The following ABCB8 variants were observed in gnomAD, a reference collection of about 807,000 sequenced individuals.
ABCB8 encodes mitochondrial potassium channel ATP-binding subunit.
ABCB8 carries 52 observed loss-of-function variants against 73.0 expected under a neutral mutation model. The observed-to-expected ratio is 0.71, with a 90% CI of 0.57 to 0.90. The LOEUF (loss-of-function observed/expected upper bound fraction) is 0.90, where lower values mean the gene tolerates loss of function less well. Among genes scored for constraint, ABCB8 ranks in the 40% least tolerant of loss-of-function variants. The probability of loss-of-function intolerance (pLI) is 0.00; values close to 1 mark genes in which losing one functional copy is unlikely to be tolerated. For missense variants in ABCB8, 909 were observed against 974.6 expected (o/e 0.93, Z 0.90); for synonymous variants, 428 against 423.5 (o/e 1.01, Z -0.13).
intron 1 of ABCB8, among the ~76,000 whole-genome samples, chr7:151,032,174 C>A (rs374217747): frequency 3.3e-5 from 5 of 152,218 alleles, no homozygotes; most frequent in Admixed American, 2.0e-4. Context: ...ACTCCACCCC[C>A]ACCTGTGCCT....
intron 5 of ABCB8, 66 bp downstream of exon 5, chr7:151,034,895 G>C (rs1164709083): frequency 7.1e-7 from 1 of 1,415,638 alleles, no homozygotes; most frequent in Non-Finnish European, 9.8e-7. Context: ...CACCAGGCCA[G>C]CCCTGCCCGC....
intron 1 of ABCB8, chr7:151,029,596 T>G (rs1318575916): frequency 6.7e-6 from 1 of 149,254 alleles, no homozygotes; most frequent in Non-Finnish European, 1.5e-5. Flanking sequence ...AACCTCTGCC[T>G]CCTGGGTTCA....
chr7:151,034,702 A>G (rs1796256323), intron 4 of ABCB8, 22 bp from the exon 5 acceptor site: 1 of 1,612,412 alleles, frequency 6.2e-7, no homozygotes, highest in African/African-American at 1.3e-5. Flanking sequence ...TGCCCTCCTT[A>G]TTGGTTCTTG....
At chr7:151,035,838 C>T (rs372274457) in intron 6 of ABCB8, 44 bp from the exon 7 acceptor site, 17 of 1,610,676 alleles carry the variant, frequency 1.1e-5, no homozygotes, top group Non-Finnish European at 1.4e-5. Context: ...GACTCCTTGT[C>T]CTGTTTTCTG....
Position 151,034,778 on chromosome 7 carries a change from G to C in ABCB8, c.714G>C (p.Leu238Phe), listed in dbSNP as rs1796258729. 6.2e-7 allele frequency: 1 copy of C among 1,614,120 alleles called. No individual in the cohort carries two copies. Residue 238 changes from leucine (L) to phenylalanine (F), a missense_variant, in exon 5 of 16, where the codon TTG (leucine) becomes TTC (phenylalanine). Physicochemically the swap from Leu to Phe is conservative, Grantham distance 22. Coordinates refer to ENST00000358849, the MANE Select transcript of ABCB8 (RefSeq NM_007188.5). Reference sequence around the variant, plus strand: ...AGACAGGGCAGCTGGTGAGCCGCTTGACAACTGACGTGCAGGAGTTTAAGT... The same window carrying C: ...AGACAGGGCAGCTGGTGAGCCGCTTCACAACTGACGTGCAGGAGTTTAAGT... ...ANKTGQLVSR[L>F]TTDVQEFKSS...
chr7:151,029,164 G>A (rs1796069494), intron 1 of ABCB8: 1 of 276,782 alleles, frequency 3.6e-6, no homozygotes, highest in Non-Finnish European at 6.2e-6. Flanking sequence ...TGCCGTGATT[G>A]GTGGCACGCG....
At chr7:151,030,991 A>G (rs1796146946) in intron 1 of ABCB8, among the ~76,000 whole-genome samples, 1 of 152,184 alleles carries the variant, frequency 6.6e-6, no homozygotes, top group African/African-American at 2.4e-5. Flanking sequence ...AGAAAATGTT[A>G]TTTTGTGAAG....
At chr7:151,034,646 G>A (rs756934063) in intron 4 of ABCB8, 47 bp downstream of exon 4, 18 of 1,612,802 alleles carry the variant, frequency 1.1e-5, no homozygotes, top group Non-Finnish European at 1.4e-5. Context: ...GATGGCCTGA[G>A]GGGTCTGGGG....
At position 151,040,721 on chromosome 7, in the gene ABCB8, C is replaced by T. The variant is rs1286189237; in HGVS notation, c.1388+87C>T. 1.2e-5 allele frequency: 19 copies of T among 1,599,166 alleles called. No homozygotes were observed. In the South Asian group the frequency reaches 2.1e-4, roughly 18 times the overall value. The stretch of plus-strand genomic sequence containing the variant: ...CGGGGGTGGAGGTCTGGACTAATGT[C>T]CCCCATAAACAGGCCCTCTCAGAGG... On this transcript the variant is annotated intron_variant, in intron 11 of 15. Transcript: ENST00000358849.
In ABCB8 at chr7:151,045,480, C is replaced by A; in HGVS notation, c.*131C>A. ...GAGAGTCGCTGCGGCTGCTCCTGCTCACAATAAAGCCGGGGCCGAGCAGCT... is the reference window on the plus strand; with the variant it reads ...GAGAGTCGCTGCGGCTGCTCCTGCTAACAATAAAGCCGGGGCCGAGCAGCT... On this transcript the variant is annotated 3_prime_UTR_variant, in exon 16 of 16. Transcript: ENST00000358849. The A allele has an allele frequency of 8.4e-7, 1 of 1,184,102 alleles. No homozygotes were observed. The highest frequency in any genetic ancestry group is 1.1e-6 in the Non-Finnish European group (1 of 916,300). The allele number at this position is 1,184,102 out of a possible 1,614,324, so 73.3% of individuals were successfully genotyped here.
At position 151,046,433 on chromosome 7, in the gene ABCB8, G is replaced by T. The variant is rs1426513560; in HGVS notation, c.*1084G>T. On this transcript the variant is annotated 3_prime_UTR_variant, in exon 16 of 16. Coordinates refer to ENST00000358849, the MANE Select transcript of ABCB8 (RefSeq NM_007188.5). ...CTGTGGATGAGGGGGCTAGGCTCCAGCTGGCTTCTGAGGGGCCTGGAAAGG... is the reference window on the plus strand; with the variant it reads ...CTGTGGATGAGGGGGCTAGGCTCCATCTGGCTTCTGAGGGGCCTGGAAAGG... 6.6e-6 allele frequency: 1 copy of T among 152,310 alleles called. No individual in the cohort carries two copies. The highest frequency in any genetic ancestry group is 1.5e-5 in the Non-Finnish European group (1 of 68,084). The allele number at this position is 152,310 out of a possible 1,614,324, so 9.4% of individuals were successfully genotyped here. A position where few individuals can be genotyped will look rare whatever the true frequency, so the allele number is the denominator to read the frequency against.
In ABCB8 at chr7:151,033,911, C is replaced by T. The variant is rs375809061; in HGVS notation, c.402C>T (p.Ala134=). The T allele has an allele frequency of 4.5e-5, 71 of 1,591,864 alleles. No individual in the cohort carries two copies. The highest frequency in any genetic ancestry group is 3.6e-4 in the East Asian group (16 of 44,574). Residue 134 remains alanine, a synonymous_variant, in exon 2 of 16, where the codon GCC becomes GCT. Transcript: ENST00000358849. ...CCCACCTGCTGGTCCTGGGGGTAGCCGTCGTGGTGAGGCTTTCCCCACTTC... is the reference window on the plus strand; with the variant it reads ...CCCACCTGCTGGTCCTGGGGGTAGCTGTCGTGGTGAGGCTTTCCCCACTTC... The part of the protein sequence containing the change: ...LHPHLLVLGV[A]VVLALGAALV...
chr7:151,029,448 A>T (rs1275071002), intron 1 of ABCB8: 1 of 152,506 alleles, frequency 6.6e-6, no homozygotes, highest in African/African-American at 2.4e-5. Flanking sequence ...TCGAATGTAA[A>T]TGCTTTATGA....
intron 1 of ABCB8, 176 bp downstream of exon 1, chr7:151,028,786 T>G: frequency 6.5e-7 from 1 of 1,540,482 alleles, no homozygotes; most frequent in Non-Finnish European, 8.7e-7. Context: ...ATAGTGACAC[T>G]CCAGTCGCCA....
At chr7:151,036,512 C>T in intron 8 of ABCB8, 32 bp from the exon 9 acceptor site, 3 of 1,582,684 alleles carry the variant, frequency 1.9e-6, no homozygotes, top group Non-Finnish European at 2.6e-6. Context: ...TCTGCCCTGG[C>T]TTCGTCCTCC....
At chr7:151,034,027 A>G (rs1796236767) in intron 2 of ABCB8, 110 bp downstream of exon 2, 2 of 1,350,910 alleles carry the variant, frequency 1.5e-6, no homozygotes, top group Non-Finnish European at 9.9e-7. Context: ...GGGAGCAGCA[A>G]GGGCTAGCCA....
Position 151,040,855 on chromosome 7 carries a change from G to A in ABCB8, c.1416G>A (p.Val472=). Residue 472 remains valine (V), a synonymous_variant, in exon 12 of 16, where the codon GTG becomes GTA. Transcript: ENST00000358849. The stretch of plus-strand genomic sequence containing the variant: ...ACCCCTGCCGCCCCGGCTTCGAGGT[G>A]CTGAAAGACTTCACCCTGACGCTGC... The part of the protein sequence containing the change: ...FSYPCRPGFE[V]LKDFTLTLPP... 1.2e-6 allele frequency: 2 copies of A among 1,602,222 alleles called. No homozygotes were observed. Among genetic ancestry groups the A allele is most frequent in the Non-Finnish European group, 1.7e-6 (2 of 1,174,716 alleles).
chr7:151,035,478 C>T (rs1378184580), intron 5 of ABCB8, 103 bp from the exon 6 acceptor site: 2 of 1,381,064 alleles, frequency 1.4e-6, no homozygotes, highest in East Asian at 2.3e-5. Flanking sequence ...AGACCTGGGC[C>T]TTGGCCGTGG....
Position 151,030,599 on chromosome 7 carries a change from C to T in ABCB8, c.95+1989C>T, listed in dbSNP as rs181701562. Among the ~76,000 whole-genome samples, 52 of 152,240 alleles carry T rather than the reference C, an allele frequency of 3.4e-4. No individual in the cohort carries two copies. In the East Asian group the frequency reaches 9.3e-3, roughly 27 times the overall value. On this transcript the variant is annotated intron_variant, in intron 1 of 15. Transcript: ENST00000358849. ...TTGGGGGGCCAAGGCAGGCAGATCA[C>T]TTGAGGTCAGGAGTTCAAGACCAGC...
Sources: gnomAD v4.1 joint callset for allele counts (sites outside exome capture counted in the v4.1 genomes callset) on GRCh38, gnomAD v4.1.1 for gene constraint, MANE v1.5 for transcripts, NCBI Gene and HGNC (gene_info 2026-07-23, HGNC 2026-07-21) for gene names.